GRIK2: variants seen among roughly 807,000 people sequenced by gnomAD.
The protein encoded by GRIK2 is glutamate ionotropic receptor kainate type subunit 2, also known as glutamate receptor ionotropic, kainate 2.
Under a neutral mutation model 100.3 loss-of-function variants are expected in GRIK2, and 32 were observed. The ratio of observed to expected loss-of-function variants is 0.32; its 90% confidence interval spans 0.24 to 0.43. The LOEUF (loss-of-function observed/expected upper bound fraction) is 0.43, where lower values mean the gene tolerates loss of function less well. Ranked by LOEUF, GRIK2 falls within the 20% of genes least tolerant of loss-of-function variation. The probability of loss-of-function intolerance (pLI) is 1.00; values close to 1 mark genes in which losing one functional copy is unlikely to be tolerated. For synonymous variants in GRIK2, 417 were observed against 389.4 expected (o/e 1.07, Z -0.83); for missense variants, 843 against 1,114.9 (o/e 0.76, Z 3.47).
intron 2 of GRIK2, among the ~76,000 whole-genome samples, chr6:101,446,637 T>C (rs1432834221): frequency 6.6e-6 from 1 of 151,794 alleles, no homozygotes; most frequent in African/African-American, 2.4e-5. Flanking sequence ...AAGGAAAATA[T>C]ATTGATAGAT....
At chr6:101,685,050 A>C (rs1771578969) in intron 6 of GRIK2, among the ~76,000 whole-genome samples, 1 of 152,046 alleles carries the variant, frequency 6.6e-6, no homozygotes, top group South Asian at 2.1e-4. Context: ...GCATGTTCTG[A>C]GCCTCATCAC....
At chr6:102,006,670 G>T (rs1795257142) in intron 14 of GRIK2, among the ~76,000 whole-genome samples, 1 of 151,624 alleles carries the variant, frequency 6.6e-6, no homozygotes, top group Non-Finnish European at 1.5e-5. Context: ...GCCTGGTCCA[G>T]CATACTGTCA....
At chr6:101,418,914 G>A (rs561227412) in intron 2 of GRIK2, among the ~76,000 whole-genome samples, 2 of 152,256 alleles carry the variant, frequency 1.3e-5, no homozygotes, top group South Asian at 4.1e-4. Context: ...CATGGCGAGA[G>A]GATGGAAAAT....
chr6:101,843,364 C>T (rs570523369), intron 10 of GRIK2, among the ~76,000 whole-genome samples: 1 of 152,274 alleles, frequency 6.6e-6, no homozygotes, highest in South Asian at 2.1e-4. Context: ...CACTTTTCTT[C>T]ACTTAAGTCC....
At chr6:101,409,909 T>C (rs1775803469) in intron 2 of GRIK2, among the ~76,000 whole-genome samples, 1 of 152,048 alleles carries the variant, frequency 6.6e-6, no homozygotes, top group Non-Finnish European at 1.5e-5. Context: ...GAAAATCAGC[T>C]TTTCTAAATT....
intron 16 of GRIK2, among the ~76,000 whole-genome samples, chr6:102,060,325 A>G (rs1412116250): frequency 2.0e-5 from 3 of 150,872 alleles, no homozygotes; most frequent in Non-Finnish European, 3.0e-5. Flanking sequence ...GCTATAAATC[A>G]GAGTAGTAGA....
chr6:101,922,042 G>A (rs9498745), intron 12 of GRIK2, among the ~76,000 whole-genome samples: 1,342 of 122,752 alleles, frequency 0.011, 21 homozygotes, highest in African/African-American at 0.034. Context: ...ACCAGTGTCA[G>A]TGTTCCCAGA....
rs528496160 is a variant in GRIK2, at chr6:102,044,140, G to C, written c.2311+8574G>C. ...AGCAAAAATGATAAGGATACAAAAA[G>C]AGTAATTTCATCTTTAAAAATATAT... On this transcript the variant is annotated intron_variant, in intron 15 of 16. Coordinates refer to ENST00000369134, the MANE Select transcript of GRIK2 (RefSeq NM_021956.5). 2.0e-5 allele frequency among the ~76,000 whole-genome samples: 3 copies of C among 152,060 alleles called. No individual in the cohort carries two copies. In the South Asian group the frequency reaches 6.2e-4, roughly 32 times the overall value.
chr6:101,955,606 CT>C (rs1791877034), intron 14 of GRIK2, among the ~76,000 whole-genome samples: 5 of 123,072 alleles, frequency 4.1e-5, no homozygotes, highest in African/African-American at 1.1e-4. Context: ...CTCTCTCTCT[CT>C]CTCTCTCTCC....
chr6:101,949,823 A>G (rs777309609), intron 14 of GRIK2, among the ~76,000 whole-genome samples: 22 of 152,126 alleles, frequency 1.4e-4, no homozygotes, highest in Non-Finnish European at 2.6e-4. Flanking sequence ...ATGAGTGTAC[A>G]TGTGTCTTTA....
At chr6:101,512,559 T>C (rs1487516331) in intron 2 of GRIK2, among the ~76,000 whole-genome samples, 2 of 152,166 alleles carry the variant, frequency 1.3e-5, no homozygotes, top group Non-Finnish European at 2.9e-5. Flanking sequence ...AGTAGCCACA[T>C]GATGCTAAAC....
chr6:101,691,751 C>T (rs1772113470), intron 7 of GRIK2, among the ~76,000 whole-genome samples: 1 of 152,038 alleles, frequency 6.6e-6, no homozygotes, highest in Non-Finnish European at 1.5e-5. Flanking sequence ...TTTATAATAA[C>T]AGACCACAGA....
At chr6:101,809,640 C>G (rs766476656) in intron 9 of GRIK2, among the ~76,000 whole-genome samples, 19 of 152,018 alleles carry the variant, frequency 1.2e-4, no homozygotes, top group Non-Finnish European at 2.2e-4. Context: ...TTTATCTTGC[C>G]TTCCTCTACG....
chr6:101,794,741 A>G (rs1462401999), intron 7 of GRIK2, among the ~76,000 whole-genome samples: 1 of 151,484 alleles, frequency 6.6e-6, no homozygotes, highest in Non-Finnish European at 1.5e-5. Context: ...TTTTCACTGA[A>G]TATTTTGCTG....
chr6:101,842,153 A>C (rs778051578), intron 10 of GRIK2, among the ~76,000 whole-genome samples: 1 of 152,216 alleles, frequency 6.6e-6, no homozygotes. Flanking sequence ...AAATTAAAAC[A>C]TAATAAATGG....
At chr6:101,427,585 A>C (rs1391916789) in intron 2 of GRIK2, among the ~76,000 whole-genome samples, 1 of 152,134 alleles carries the variant, frequency 6.6e-6, no homozygotes, top group Non-Finnish European at 1.5e-5. Flanking sequence ...GTACTTTATT[A>C]TTTTTCTAGC....
chr6:101,850,985 A>G (rs1562438348), intron 10 of GRIK2, among the ~76,000 whole-genome samples: 1 of 152,130 alleles, frequency 6.6e-6, no homozygotes, highest in African/African-American at 2.4e-5. Context: ...AACTTGATGT[A>G]AAACTATCCC....
chr6:101,876,150 C>T (rs555433720), intron 11 of GRIK2, among the ~76,000 whole-genome samples: 2 of 151,730 alleles, frequency 1.3e-5, no homozygotes, highest in South Asian at 4.1e-4. Context: ...TTAGGTGAGC[C>T]TGTTAATTAT....
rs538100856 is a variant in GRIK2, at chr6:101,699,359, C to T, written c.951+13006C>T. The stretch of plus-strand genomic sequence containing the variant: ...AAATTGACCTGGACTCCCACTATTC[C>T]AGCTGTTTAGTTATCTGGTTCTTTA... On this transcript the variant is annotated intron_variant, in intron 7 of 16. Coordinates refer to ENST00000369134, the MANE Select transcript of GRIK2 (RefSeq NM_021956.5). Among the ~76,000 whole-genome samples, 32 of 152,176 alleles carry T rather than the reference C, an allele frequency of 2.1e-4. No homozygotes were observed. The East Asian group carries it at 6.2e-3, about 30-fold the overall frequency.
Sources: allele counts gnomAD v4.1 joint callset (sites outside exome capture counted in the v4.1 genomes callset), GRCh38; gene constraint gnomAD v4.1.1; transcripts MANE v1.5; gene names NCBI Gene and HGNC (gene_info 2026-07-23, HGNC 2026-07-21).